The following CFDP1 variants were observed in gnomAD, a reference collection of about 807,000 sequenced individuals.
The protein encoded by CFDP1 is heterochromatin-stabilizing protein CFDP1.
A neutral mutation model predicts 40.1 loss-of-function variants in CFDP1; 31 were observed. The observed-to-expected ratio is 0.77, with a 90% CI of 0.58 to 1.04. The LOEUF is 1.04. Ranked by LOEUF, CFDP1 falls within the 50% of genes least tolerant of loss-of-function variation. The pLI is 0.00. For synonymous variants in CFDP1, 167 were observed against 120.0 expected, an observed-to-expected ratio of 1.39 and a Z score of -2.56; for missense variants, 423 against 343.4, an observed-to-expected ratio of 1.23 and a Z score of -1.83.
intron 5 of CFDP1, 133 bp downstream of exon 5, chr16:75,394,957 T>C: frequency 6.3e-6 from 7 of 1,113,696 alleles, no homozygotes; most frequent in Non-Finnish European, 8.8e-6. Flanking sequence ...TGGTAAATAT[T>C]GCAGCAAAGG....
intron 5 of CFDP1, among the ~76,000 whole-genome samples, chr16:75,364,755 A>T (rs1294460303): frequency 1.3e-5 from 2 of 152,234 alleles, no homozygotes; most frequent in East Asian, 3.8e-4. Flanking sequence ...GTTATTTGAA[A>T]ATAAGTTAAT....
chr16:75,350,805 TG>T (rs1597348036), intron 5 of CFDP1, among the ~76,000 whole-genome samples: 1 of 152,130 alleles, frequency 6.6e-6, no homozygotes, highest in East Asian at 1.9e-4. Context: ...AAATTGTATA[TG>T]GTCTATTACC....
intron 5 of CFDP1, among the ~76,000 whole-genome samples, chr16:75,367,196 T>C (rs910552259): frequency 6.7e-6 from 1 of 149,954 alleles, no homozygotes; most frequent in Non-Finnish European, 1.5e-5. Flanking sequence ...TTACTACAAA[T>C]TATTAAACTA....
chr16:75,343,653 T>C (rs1331017022), intron 5 of CFDP1, among the ~76,000 whole-genome samples: 12 of 152,224 alleles, frequency 7.9e-5, no homozygotes, highest in Admixed American at 7.9e-4. Flanking sequence ...TCAATTATTT[T>C]ACAAGCTTCC....
At chr16:75,356,084 C>G (rs1212342740) in intron 5 of CFDP1, among the ~76,000 whole-genome samples, 2 of 152,190 alleles carry the variant, frequency 1.3e-5, no homozygotes, top group South Asian at 4.1e-4. Context: ...GGCCTCCTCC[C>G]ATGAATCACA....
At chr16:75,377,662 G>A (rs2078812894) in intron 5 of CFDP1, among the ~76,000 whole-genome samples, 1 of 152,216 alleles carries the variant, frequency 6.6e-6, no homozygotes, top group South Asian at 2.1e-4. Flanking sequence ...AAAACATGAA[G>A]TCACTAAATA....
intron 5 of CFDP1, among the ~76,000 whole-genome samples, chr16:75,328,661 G>T (rs1369273321): frequency 1.7e-5 from 2 of 116,524 alleles, no homozygotes; most frequent in Admixed American, 8.4e-5. Flanking sequence ...GATAAATAAA[G>T]AAATAGCAGT....
At chr16:75,354,090 A>G (rs887455879) in intron 5 of CFDP1, among the ~76,000 whole-genome samples, 18 of 152,208 alleles carry the variant, frequency 1.2e-4, no homozygotes, top group African/African-American at 3.9e-4. Flanking sequence ...GATAAATTAC[A>G]TAAGATATTC....
intron 4 of CFDP1, among the ~76,000 whole-genome samples, chr16:75,401,707 G>C (rs948636736): frequency 6.6e-6 from 1 of 152,140 alleles, no homozygotes; most frequent in South Asian, 2.1e-4. Context: ...TTAAGGAAAA[G>C]TAGCCTCTAG....
chr16:75,371,990 TATCTC>T (rs2078755567), intron 5 of CFDP1, among the ~76,000 whole-genome samples: 1 of 152,206 alleles, frequency 6.6e-6, no homozygotes, highest in African/African-American at 2.4e-5. Context: ...AGTGACACCT[TATCTC>T]ATTTCATTCT....
At chr16:75,358,395 T>C (rs1437687774) in intron 5 of CFDP1, among the ~76,000 whole-genome samples, 4 of 152,182 alleles carry the variant, frequency 2.6e-5, no homozygotes, top group Non-Finnish European at 5.9e-5. Flanking sequence ...AGATATTCAA[T>C]ACAACATTAT....
intron 5 of CFDP1, among the ~76,000 whole-genome samples, chr16:75,345,372 G>C (rs1172426250): frequency 6.6e-6 from 1 of 152,052 alleles, no homozygotes. Context: ...CATGAGAATC[G>C]CTTGAATGTG....
At chr16:75,393,809 T>A in intron 5 of CFDP1, among the ~76,000 whole-genome samples, 1 of 136,908 alleles carries the variant, frequency 7.3e-6, no homozygotes, top group Non-Finnish European at 1.5e-5. Context: ...CCTGTAATCC[T>A]AGCACTTTGG....
rs753723334 is a variant in CFDP1 at position 75,419,877 on chromosome 16, T to C, written c.65-5182A>G. Among the ~76,000 whole-genome samples, 5 of 152,192 alleles carry C rather than the reference T, an allele frequency of 3.3e-5. No homozygotes were observed. The East Asian group carries it at 5.8e-4, about 18-fold the overall frequency. On this transcript the variant is annotated intron_variant, in intron 1 of 6. Coordinates refer to ENST00000283882, the MANE Select transcript of CFDP1 (RefSeq NM_006324.3). ...AAATGGGCAACCAGCAGCCCTTGGG[T>C]CTGCTCTGTCTATGGAGTAGACATT...
intron 5 of CFDP1, among the ~76,000 whole-genome samples, chr16:75,307,995 T>C (rs187828054): frequency 1.8e-4 from 27 of 152,346 alleles, no homozygotes; most frequent in African/African-American, 6.3e-4. Flanking sequence ...TTGTGAACTC[T>C]TATTTCAGCT....
At chr16:75,361,870 A>C (rs1310186950) in intron 5 of CFDP1, among the ~76,000 whole-genome samples, 3 of 152,070 alleles carry the variant, frequency 2.0e-5, no homozygotes, top group African/African-American at 7.2e-5. Context: ...ATTTGTTTTC[A>C]GAATTTTACT....
intron 5 of CFDP1, among the ~76,000 whole-genome samples, chr16:75,346,017 A>G (rs749069514): frequency 1.3e-5 from 2 of 152,208 alleles, no homozygotes; most frequent in Non-Finnish European, 2.9e-5. Flanking sequence ...GAAGTGAAAA[A>G]GAATTGGATG....
intron 5 of CFDP1, among the ~76,000 whole-genome samples, chr16:75,322,874 T>C: frequency 6.6e-6 from 1 of 152,202 alleles, no homozygotes; most frequent in Non-Finnish European, 1.5e-5. Context: ...ATAGGAAGTT[T>C]ACCATGAATG....
chr16:75,431,901 G>T (rs867994477), intron 1 of CFDP1, among the ~76,000 whole-genome samples: 1 of 146,962 alleles, frequency 6.8e-6, no homozygotes, highest in Non-Finnish European at 1.5e-5. Flanking sequence ...AGGGTGATGG[G>T]ACTGGCTAAC....
Sources: allele counts gnomAD v4.1 joint callset (sites outside exome capture counted in the v4.1 genomes callset), GRCh38; gene constraint gnomAD v4.1.1; transcripts MANE v1.5; gene names NCBI Gene and HGNC (gene_info 2026-07-23, HGNC 2026-07-21).